Variants in PAPPA2 observed in about 807,000 individuals in gnomAD.
PAPPA2 encodes the protein pappalysin 2.
PAPPA2 carries 86 observed loss-of-function variants against 176.4 expected under a neutral mutation model. That is an observed-to-expected ratio of 0.49 (90% CI 0.41 to 0.58). PAPPA2 has a LOEUF of 0.58. Among genes scored for constraint, PAPPA2 ranks in the 20% least tolerant of loss-of-function variants. PAPPA2 has a pLI of 0.00. For synonymous variants in PAPPA2, 809 were observed against 852.2 expected, an observed-to-expected ratio of 0.95 and a Z score of 0.88; for missense variants, 2,073 against 2,256.9, an observed-to-expected ratio of 0.92 and a Z score of 1.65.
intron 3 of PAPPA2, chr1:176,616,751 T>A: frequency 8.0e-7 from 1 of 1,249,254 alleles, no homozygotes; most frequent in Non-Finnish European, 1.2e-6. Context: ...TGTTCTTGTA[T>A]GTGACTTTCA....
chr1:176,473,496 G>T (rs1651978475), intron 1 of PAPPA2, among the ~76,000 whole-genome samples: 1 of 152,184 alleles, frequency 6.6e-6, no homozygotes, highest in Non-Finnish European at 1.5e-5. Context: ...AAGCATCTGT[G>T]TGCCCATTTT....
intron 3 of PAPPA2, among the ~76,000 whole-genome samples, chr1:176,611,750 T>G (rs1174746205): frequency 6.6e-6 from 1 of 152,222 alleles, no homozygotes; most frequent in East Asian, 1.9e-4. Flanking sequence ...TTATATTATT[T>G]CAAGGCTTTA....
rs186713420 is a variant in PAPPA2 at position 176,472,935 on chromosome 1, C to T, written c.-917+9517C>T. On this transcript the variant is annotated intron_variant, in intron 1 of 22. Transcript: ENST00000367662. ...ACAAGGCACAGAGATTTCCTGTATACTCCCTTTCCCCACTTATGTGCCAAT... is the reference window on the plus strand; with the variant it reads ...ACAAGGCACAGAGATTTCCTGTATATTCCCTTTCCCCACTTATGTGCCAAT... Among the ~76,000 whole-genome samples, 630 of 152,174 alleles carry T rather than the reference C, an allele frequency of 4.1e-3. 3 individuals carry two copies. The highest frequency in any genetic ancestry group is 0.014 in the African/African-American group (588 of 41,500).
chr1:176,643,560 TA>T (rs1365404398), intron 3 of PAPPA2, among the ~76,000 whole-genome samples: 1 of 151,750 alleles, frequency 6.6e-6, no homozygotes, highest in Non-Finnish European at 1.5e-5. Flanking sequence ...AGTACCAGTA[TA>T]CACAGAGGCC....
chr1:176,486,041 G>A (rs1652631366), intron 1 of PAPPA2, among the ~76,000 whole-genome samples: 1 of 152,180 alleles, frequency 6.6e-6, no homozygotes, highest in Admixed American at 6.5e-5. Flanking sequence ...GGTTATTTTA[G>A]TAAGGTTTGT....
At chr1:176,572,151 T>C (rs1035040332) in intron 2 of PAPPA2, among the ~76,000 whole-genome samples, 1 of 152,244 alleles carries the variant, frequency 6.6e-6, no homozygotes, top group African/African-American at 2.4e-5. Context: ...TTTGGTGTTA[T>C]TTCCACTCTT....
At chr1:176,821,272 C>T (rs1439469305) in intron 21 of PAPPA2, among the ~76,000 whole-genome samples, 1 of 152,082 alleles carries the variant, frequency 6.6e-6, no homozygotes, top group African/African-American at 2.4e-5. Flanking sequence ...ATAATACAAT[C>T]ATATGAATAA....
At chr1:176,761,840 T>TG (rs929571963) in intron 14 of PAPPA2, among the ~76,000 whole-genome samples, 6 of 152,250 alleles carry the variant, frequency 3.9e-5, no homozygotes, top group African/African-American at 1.4e-4. Flanking sequence ...CCCACTTCTC[T>TG]GGGGCATTGT....
At chr1:176,620,316 A>T (rs1356468483) in intron 3 of PAPPA2, among the ~76,000 whole-genome samples, 1 of 152,100 alleles carries the variant, frequency 6.6e-6, no homozygotes, top group Non-Finnish European at 1.5e-5. Flanking sequence ...AAACATTTAG[A>T]CCATAGAGAA....
At position 176,800,055 on chromosome 1, in the gene PAPPA2, C is replaced by T. The variant is rs1236890644; in HGVS notation, c.5131-6C>T. 3 of 1,613,830 alleles carry T rather than the reference C, an allele frequency of 1.9e-6. No homozygotes were observed. The African/African-American group carries it at 4.0e-5, about 22-fold the overall frequency. ...TGTTTTCTGTTTTTCCCGTCTTTCC[C>T]CTTAGAGCATTGTGTGCACTGGCCG... On this transcript the variant is annotated splice_region_variant and splice_polypyrimidine_tract_variant and intron_variant, in intron 20 of 22. Transcript: ENST00000367662.
intron 1 of PAPPA2, among the ~76,000 whole-genome samples, chr1:176,473,896 C>T (rs986219085): frequency 1.3e-5 from 2 of 152,122 alleles, no homozygotes; most frequent in Non-Finnish European, 2.9e-5. Flanking sequence ...TTACCTACTT[C>T]TGAATATGTG....
intron 1 of PAPPA2, among the ~76,000 whole-genome samples, chr1:176,497,036 C>T (rs888755069): frequency 2.6e-5 from 4 of 152,236 alleles, no homozygotes; most frequent in Non-Finnish European, 5.9e-5. Flanking sequence ...ACAATCCTAT[C>T]CCATTGCCAG....
chr1:176,778,204 C>T (rs1452936063), intron 17 of PAPPA2, among the ~76,000 whole-genome samples: 5 of 151,992 alleles, frequency 3.3e-5, no homozygotes, highest in African/African-American at 1.2e-4. Context: ...AAAAAATGTA[C>T]TATTCTCCCC....
intron 14 of PAPPA2, among the ~76,000 whole-genome samples, chr1:176,750,530 G>A (rs775977757): frequency 1.3e-5 from 2 of 152,008 alleles, no homozygotes; most frequent in Non-Finnish European, 2.9e-5. Context: ...GCTTGAACCC[G>A]GGATGCGGAG....
chr1:176,470,007 G>A (rs918531685), intron 1 of PAPPA2, among the ~76,000 whole-genome samples: 2 of 152,180 alleles, frequency 1.3e-5, no homozygotes, highest in Admixed American at 6.5e-5. Flanking sequence ...TTATGGGGTC[G>A]AGGAAGGGAC....
At chr1:176,648,883 C>T (rs1657555130) in intron 3 of PAPPA2, among the ~76,000 whole-genome samples, 2 of 151,186 alleles carry the variant, frequency 1.3e-5, no homozygotes, top group South Asian at 2.1e-4. Flanking sequence ...GGGATATTGG[C>T]CTGTAGTTTT....
At chr1:176,611,271 G>A (rs2102677920) in intron 3 of PAPPA2, among the ~76,000 whole-genome samples, 1 of 152,252 alleles carries the variant, frequency 6.6e-6, no homozygotes, top group East Asian at 1.9e-4. Context: ...TTGGCATCTG[G>A]CATCTATAAG....
chr1:176,795,416 T>G (rs1194464458), intron 20 of PAPPA2, among the ~76,000 whole-genome samples: 2 of 152,150 alleles, frequency 1.3e-5, no homozygotes, highest in African/African-American at 4.8e-5. Context: ...AAGAAAGCCT[T>G]TTTGTTTTCC....
chr1:176,839,086 T>G (rs948520616), intron 21 of PAPPA2, among the ~76,000 whole-genome samples: 3 of 152,164 alleles, frequency 2.0e-5, no homozygotes, highest in Non-Finnish European at 2.9e-5. Context: ...GAAAGTGATT[T>G]GAACACATAA....
Sources: allele counts gnomAD v4.1 joint callset (sites outside exome capture counted in the v4.1 genomes callset), GRCh38; gene constraint gnomAD v4.1.1; transcripts MANE v1.5; gene names NCBI Gene and HGNC (gene_info 2026-07-23, HGNC 2026-07-21).